Variants in TLL1 observed in about 807,000 individuals in gnomAD.
TLL1 encodes tolloid-like protein 1.
TLL1 carries 49 observed loss-of-function variants against 128.2 expected under a neutral mutation model. The ratio of observed to expected loss-of-function variants is 0.38; its 90% confidence interval spans 0.30 to 0.48. The LOEUF is 0.48. Among genes scored for constraint, TLL1 ranks in the 20% least tolerant of loss-of-function variants. The pLI is 0.96. For missense variants in TLL1, 1,123 were observed against 1,242.0 expected, an observed-to-expected ratio of 0.90 and a Z score of 1.44; for synonymous variants, 454 against 418.8, an observed-to-expected ratio of 1.08 and a Z score of -1.03.
intron 5 of TLL1, among the ~76,000 whole-genome samples, chr4:165,999,539 C>A (rs1737049952): frequency 6.6e-6 from 1 of 152,152 alleles, no homozygotes; most frequent in East Asian, 1.9e-4. Context: ...CACTTCCCAC[C>A]AGCTCGGTCC....
At position 166,074,993 on chromosome 4, in the gene TLL1, T is replaced by C; in HGVS notation, c.2304T>C (p.Asp768=). 1.2e-6 allele frequency: 2 copies of C among 1,613,522 alleles called. No individual in the cohort carries two copies. Among genetic ancestry groups the C allele is most frequent in the South Asian group, 1.1e-5 (1 of 91,074 alleles). The change falls in exon 17 of 21, where the codon GAT becomes GAC. Residue 768 remains aspartate (D), a synonymous_variant. Transcript: ENST00000061240. ...TTGTGCTACATGACAATAAACATGA[T>C]TGCAAGGAAGGTATGGAACGGAATA... ...NGFVLHDNKH[D]CKEAECEQKI... is the part of the protein sequence containing the mutation.
At position 165,961,968 on chromosome 4, in the gene TLL1, A is replaced by G. The variant is rs368747110; in HGVS notation, c.170-27413A>G. ...GACATCGAAGAAACATGACCTCAAA[A>G]TACAAAAATCCTGGAAGAAAAACTA... On this transcript the variant is annotated intron_variant, in intron 1 of 20. Transcript: ENST00000061240. Among the ~76,000 whole-genome samples, 4 of 152,312 alleles carry G rather than the reference A, an allele frequency of 2.6e-5. No individual in the cohort carries two copies. In the East Asian group the frequency reaches 7.7e-4, roughly 29 times the overall value.
intron 1 of TLL1, 42 bp downstream of exon 1, chr4:165,874,115 C>T: frequency 1.2e-6 from 2 of 1,612,700 alleles, no homozygotes; most frequent in South Asian, 1.1e-5. Flanking sequence ...CGCCGGGGGC[C>T]GCTGCGCTGG....
At chr4:166,079,842 C>T (rs1741206244) in intron 18 of TLL1, among the ~76,000 whole-genome samples, 1 of 152,000 alleles carries the variant, frequency 6.6e-6, no homozygotes, top group Non-Finnish European at 1.5e-5. Flanking sequence ...ATTTTTTGCC[C>T]TTCTTTCTGA....
chr4:165,976,190 G>A (rs1187815044), intron 1 of TLL1, among the ~76,000 whole-genome samples: 2 of 152,078 alleles, frequency 1.3e-5, no homozygotes. Context: ...CTTTCAGATG[G>A]TAAAAGTGAC....
chr4:165,917,801 T>C (rs1732854024), intron 1 of TLL1, among the ~76,000 whole-genome samples: 1 of 152,166 alleles, frequency 6.6e-6, no homozygotes, highest in Non-Finnish European at 1.5e-5. Context: ...ATTTTGGCAT[T>C]GATTACTGCT....
At chr4:165,901,308 G>A (rs187964710) in intron 1 of TLL1, among the ~76,000 whole-genome samples, 158 of 152,226 alleles carry the variant, frequency 1.0e-3, no homozygotes, top group African/African-American at 3.5e-3. Flanking sequence ...TCCTTTGGAG[G>A]AGGAGAAGAG....
intron 1 of TLL1, among the ~76,000 whole-genome samples, chr4:165,925,772 A>G (rs1733242766): frequency 6.6e-6 from 1 of 152,166 alleles, no homozygotes; most frequent in Non-Finnish European, 1.5e-5. Context: ...GACAAATTCC[A>G]TGTCTTATTT....
chr4:166,071,990 A>C (rs918406362), intron 16 of TLL1, among the ~76,000 whole-genome samples: 2 of 152,006 alleles, frequency 1.3e-5, no homozygotes, highest in African/African-American at 4.8e-5. Context: ...TGCATGATGT[A>C]AAACATCTGG....
intron 12 of TLL1, among the ~76,000 whole-genome samples, chr4:166,051,584 G>A (rs1467232831): frequency 6.6e-6 from 1 of 152,064 alleles, no homozygotes; most frequent in Non-Finnish European, 1.5e-5. Context: ...TGTGCTCATT[G>A]TTATCACTCG....
intron 1 of TLL1, among the ~76,000 whole-genome samples, chr4:165,936,492 G>A (rs1412223012): frequency 1.3e-5 from 2 of 151,798 alleles, no homozygotes; most frequent in Non-Finnish European, 2.9e-5. Context: ...GATTACAGCT[G>A]CACCTGGACT....
At chr4:165,974,061 G>C (rs1392707143) in intron 1 of TLL1, among the ~76,000 whole-genome samples, 1 of 151,216 alleles carries the variant, frequency 6.6e-6, no homozygotes, top group Non-Finnish European at 1.5e-5. Context: ...CTGTACCCTG[G>C]CATAGCTGAC....
At chr4:166,091,996 A>G (rs532440401) in intron 19 of TLL1, among the ~76,000 whole-genome samples, 6 of 151,976 alleles carry the variant, frequency 3.9e-5, no homozygotes, top group Non-Finnish European at 8.8e-5. Flanking sequence ...GTTTAGTTAT[A>G]TGTTCCATAA....
chr4:165,969,351 C>T (rs926718325), intron 1 of TLL1, among the ~76,000 whole-genome samples: 1 of 151,754 alleles, frequency 6.6e-6, no homozygotes, highest in African/African-American at 2.4e-5. Flanking sequence ...GTAGTTTTAC[C>T]TTTATATATT....
intron 12 of TLL1, among the ~76,000 whole-genome samples, chr4:166,053,019 T>G (rs1052024134): frequency 1.1e-4 from 15 of 135,580 alleles, no homozygotes; most frequent in Admixed American, 2.2e-4. Flanking sequence ...GGTGACCAAT[T>G]GAGTTAGTTT....
chr4:165,892,702 A>G lies in TLL1; in HGVS notation c.169+18629A>G, dbSNP rs532443981. The stretch of plus-strand genomic sequence containing the variant: ...ATGTGCTAAGAACATATTCACTAGG[A>G]AGGCAGGAAAGCAACCCTGAGAATT... On this transcript the variant is annotated intron_variant, in intron 1 of 20. Transcript: ENST00000061240. Among the ~76,000 whole-genome samples the G allele has an allele frequency of 2.6e-5, 4 of 152,334 alleles. No individual in the cohort carries two copies. In the South Asian group the frequency reaches 8.3e-4, roughly 32 times the overall value.
chr4:166,018,575 C>T (rs1738062045), intron 8 of TLL1, among the ~76,000 whole-genome samples: 2 of 152,060 alleles, frequency 1.3e-5, no homozygotes, highest in Admixed American at 1.3e-4. Flanking sequence ...GTCTAAAATC[C>T]AGAATCTATA....
chr4:165,914,553 T>G (rs1732693587), intron 1 of TLL1, among the ~76,000 whole-genome samples: 1 of 152,192 alleles, frequency 6.6e-6, no homozygotes, highest in African/African-American at 2.4e-5. Context: ...GCTGCCACAA[T>G]TTCATAGATG....
At chr4:165,955,522 A>G (rs186005428) in intron 1 of TLL1, among the ~76,000 whole-genome samples, 2 of 152,198 alleles carry the variant, frequency 1.3e-5, no homozygotes, top group East Asian at 3.9e-4. Flanking sequence ...GAAAGAAAAA[A>G]TTATTAAAGG....
Sources: gnomAD v4.1 joint callset for allele counts (sites outside exome capture counted in the v4.1 genomes callset) on GRCh38, gnomAD v4.1.1 for gene constraint, MANE v1.5 for transcripts, NCBI Gene and HGNC (gene_info 2026-07-23, HGNC 2026-07-21) for gene names.